KLHDC10: variants seen among roughly 807,000 people sequenced by gnomAD.
KLHDC10 encodes the protein kelch domain-containing protein 10.
In KLHDC10, 24 loss-of-function variants were observed where a neutral mutation model predicts 56.1. The ratio of observed to expected loss-of-function variants is 0.43; its 90% CI spans 0.31 to 0.60. The LOEUF is 0.60. Ranked by LOEUF, KLHDC10 falls within the 20% of genes least tolerant of loss-of-function variation. The pLI is 0.11. For synonymous variants in KLHDC10, 188 were observed against 207.1 expected (o/e 0.91, Z 0.79); for missense variants, 349 against 567.0 (o/e 0.62, Z 3.91).
rs1248128194 is a variant in KLHDC10, at chr7:130,125,882, T to G, written c.882T>G (p.Leu294=). Residue 294 remains leucine (L), a synonymous_variant, in exon 7 of 10, where the codon CTT becomes CTG. Transcript: ENST00000335420. ...YSLNKIHAYN[L]ETNAWEEIAT... Reference sequence around the variant, plus strand: ...TCTCCAAGATCCATGCATACAACCTTGAAACGAATGCCTGGGAGGAAATTG... The same window carrying G: ...TCTCCAAGATCCATGCATACAACCTGGAAACGAATGCCTGGGAGGAAATTG... The G allele has an allele frequency of 1.9e-6, 3 of 1,603,728 alleles. No homozygotes were observed. The highest frequency in any genetic ancestry group is 2.5e-6 in the Non-Finnish European group (3 of 1,177,396).
chr7:130,122,460 A>G (rs1181460409), intron 5 of KLHDC10, among the ~76,000 whole-genome samples: 2 of 152,190 alleles, frequency 1.3e-5, no homozygotes, highest in African/African-American at 4.8e-5. Context: ...CTGCATTAGG[A>G]AGATAGTAAC....
chr7:130,072,100 T>C (rs891070933), intron 1 of KLHDC10, among the ~76,000 whole-genome samples: 10 of 152,152 alleles, frequency 6.6e-5, no homozygotes, highest in Middle Eastern at 3.4e-3. Context: ...ATCTTTAACA[T>C]GAAAAAGAAA....
At position 130,116,776 on chromosome 7, in the gene KLHDC10, C is replaced by T. The variant is rs1796174462; in HGVS notation, c.475+110C>T. ...TATAACACTATAATGTGATTTCGCC[C>T]TGTGGGTGGATAGGCTTTTTACTAG... On this transcript the variant is annotated intron_variant, in intron 3 of 9. Coordinates refer to ENST00000335420, the MANE Select transcript of KLHDC10 (RefSeq NM_014997.4). This position sits in a 1 kb window ranked among gnomAD's most constrained non-coding sequence, Gnocchi z 4.8. 2 of 914,542 alleles carry T rather than the reference C, an allele frequency of 2.2e-6. No individual in the cohort carries two copies. Among genetic ancestry groups the T allele is most frequent in the Admixed American group, 2.1e-5 (1 of 47,846 alleles). 56.7% of individuals were successfully genotyped at this position (914,542 alleles called of 1,614,324 possible).
At chr7:130,085,927 A>G (rs1795683908) in intron 1 of KLHDC10, among the ~76,000 whole-genome samples, 1 of 152,004 alleles carries the variant, frequency 6.6e-6, no homozygotes, top group African/African-American at 2.4e-5. Flanking sequence ...GTAATCTTAC[A>G]GGGTATAGTA....
chr7:130,105,297 G>A (rs1337033519), intron 2 of KLHDC10, among the ~76,000 whole-genome samples: 2 of 152,188 alleles, frequency 1.3e-5, no homozygotes, highest in African/African-American at 4.8e-5. Context: ...CTTGCAACAT[G>A]TGCAAAAATG....
At chr7:130,090,404 A>G (rs751021052) in intron 1 of KLHDC10, among the ~76,000 whole-genome samples, 5 of 152,058 alleles carry the variant, frequency 3.3e-5, no homozygotes, top group South Asian at 2.1e-4. Context: ...CCTGGGTAAC[A>G]TGGTGAGACC....
chr7:130,097,086 C>G, intron 2 of KLHDC10, 79 bp downstream of exon 2: 1 of 1,010,962 alleles, frequency 9.9e-7, no homozygotes, highest in South Asian at 1.8e-5. Context: ...GCTCAAAACT[C>G]TGGTTTTTAA....
chr7:130,077,548 TTTC>T lies in KLHDC10; in HGVS notation c.166+6742_166+6744del, dbSNP rs1475254317. 1.4e-3 allele frequency among the ~76,000 whole-genome samples: 190 copies of T among 135,460 alleles called. 1 individual carries two copies. The highest frequency in any genetic ancestry group is 5.3e-3 in the African/African-American group (187 of 35,078). The allele number at this position is 135,460 out of a possible 152,430, so 88.9% of individuals were successfully genotyped here. ...GGTTTCTACTACTTTCTTTTTTCTTTTTCTTTCTTTTTTTTTTTTTTTTTTGAG... is the reference window on the plus strand; with the variant it reads ...GGTTTCTACTACTTTCTTTTTTCTTTTTTCTTTTTTTTTTTTTTTTTTGAG... On this transcript the variant is annotated intron_variant, in intron 1 of 9. Transcript: ENST00000335420.
At chr7:130,123,669 CT>C (rs1411751370) in intron 5 of KLHDC10, among the ~76,000 whole-genome samples, 3 of 152,100 alleles carry the variant, frequency 2.0e-5, no homozygotes, top group African/African-American at 7.2e-5. Flanking sequence ...TGTTAGTGGA[CT>C]GATCATTGTA....
intron 2 of KLHDC10, among the ~76,000 whole-genome samples, chr7:130,102,521 T>C (rs141560516): frequency 2.6e-4 from 39 of 152,108 alleles, no homozygotes; most frequent in Non-Finnish European, 4.7e-4. Flanking sequence ...GATCCATAAA[T>C]TTAAAAAAAC....
At chr7:130,087,418 C>T (rs1795706355) in intron 1 of KLHDC10, among the ~76,000 whole-genome samples, 1 of 151,834 alleles carries the variant, frequency 6.6e-6, no homozygotes, top group Non-Finnish European at 1.5e-5. Flanking sequence ...TTTATATTTG[C>T]TATATTCCAT....
intron 1 of KLHDC10, among the ~76,000 whole-genome samples, chr7:130,091,729 TG>T (rs1795775811): frequency 6.6e-6 from 1 of 152,214 alleles, no homozygotes; most frequent in Non-Finnish European, 1.5e-5. Flanking sequence ...ATGTTAGTAA[TG>T]TTTTTTTCCC....
intron 1 of KLHDC10, among the ~76,000 whole-genome samples, chr7:130,075,997 A>T (rs1795496317): frequency 6.6e-6 from 1 of 151,748 alleles, no homozygotes; most frequent in Non-Finnish European, 1.5e-5. Flanking sequence ...CCTTTTTGGC[A>T]CCAGGGACCA....
intron 1 of KLHDC10, among the ~76,000 whole-genome samples, chr7:130,084,218 T>G (rs1795650556): frequency 6.6e-6 from 1 of 152,214 alleles, no homozygotes; most frequent in South Asian, 2.1e-4. Context: ...TTGGGTAATT[T>G]TAAGCACAGG....
At chr7:130,090,689 G>A (rs1795758943) in intron 1 of KLHDC10, among the ~76,000 whole-genome samples, 1 of 151,602 alleles carries the variant, frequency 6.6e-6, no homozygotes, top group South Asian at 2.1e-4. Flanking sequence ...TGTTACTATT[G>A]TACAATAACA....
rs72380761 is a variant in KLHDC10, at chr7:130,130,337, C to CATATAT, written c.1120-188_1120-183dup. On this transcript the variant is annotated intron_variant, in intron 9 of 9. Transcript: ENST00000335420. The surrounding 1 kb of genome is among the most constrained non-coding windows in gnomAD (Gnocchi z 4.2). ...ACTCTGTCTCAAAAAAAAAAAAAATCATATATATATATATATAGTTTTTCC... is the reference window on the plus strand; with the variant it reads ...ACTCTGTCTCAAAAAAAAAAAAAATCATATATATATATATATATATATAGTTTTTCC... Among the ~76,000 whole-genome samples the CATATAT allele has an allele frequency of 7.8e-3, 1,096 of 140,844 alleles. 17 individuals are homozygous for CATATAT. Among genetic ancestry groups the CATATAT allele is most frequent in the African/African-American group, 0.026 (949 of 36,968 alleles). 92.4% of individuals were successfully genotyped at this position (140,844 alleles called of 152,430 possible). A position where few individuals can be genotyped will look rare whatever the true frequency, so the allele number is the denominator to read the frequency against.
At chr7:130,093,004 G>GGC (rs1265185990) in intron 1 of KLHDC10, among the ~76,000 whole-genome samples, 16 of 142,796 alleles carry the variant, frequency 1.1e-4, no homozygotes, top group African/African-American at 4.2e-4. Context: ...TTTTAATTAT[G>GGC]TCTTTTTTTT....
At chr7:130,090,402 A>G (rs763625820) in intron 1 of KLHDC10, among the ~76,000 whole-genome samples, 1 of 152,152 alleles carries the variant, frequency 6.6e-6, no homozygotes, top group Admixed American at 6.5e-5. Context: ...AGCCTGGGTA[A>G]CATGGTGAGA....
At chr7:130,109,254 A>G (rs1051313414) in intron 2 of KLHDC10, among the ~76,000 whole-genome samples, 9 of 148,898 alleles carry the variant, frequency 6.0e-5, no homozygotes, top group Non-Finnish European at 1.3e-4. Context: ...TTTTTTTTAG[A>G]GATGAAGTTT....
Sources: allele counts gnomAD v4.1 joint callset (sites outside exome capture counted in the v4.1 genomes callset), GRCh38; gene constraint gnomAD v4.1.1; non-coding constraint Gnocchi (gnomAD v3.1); transcripts MANE v1.5; gene names NCBI Gene and HGNC (gene_info 2026-07-23, HGNC 2026-07-21).